Variants in RALGAPA1 observed in about 807,000 individuals in gnomAD.
The protein encoded by RALGAPA1 is Ral GTPase activating protein catalytic subunit alpha 1.
Under a neutral mutation model 269.6 loss-of-function variants are expected in RALGAPA1, and 52 were observed. That is an observed-to-expected ratio of 0.19 (90% CI 0.15 to 0.24). The LOEUF (loss-of-function observed/expected upper bound fraction) is 0.24. Among genes scored for constraint, RALGAPA1 ranks in the 10% least tolerant of loss-of-function variants. RALGAPA1 has a pLI of 1.00. For synonymous variants in RALGAPA1, 817 were observed against 1,008.3 expected (o/e 0.81, Z 3.60); for missense variants, 1,917 against 3,013.9 (o/e 0.64, Z 8.52).
chr14:35,552,820 G>A (rs761467189), intron 39 of RALGAPA1, among the ~76,000 whole-genome samples: 3 of 151,826 alleles, frequency 2.0e-5, no homozygotes, highest in African/African-American at 4.8e-5. Context: ...AGGGGGGAAG[G>A]AATATTATTA....
At chr14:35,801,918 GA>G (rs1010499982) in intron 1 of RALGAPA1, among the ~76,000 whole-genome samples, 1 of 152,100 alleles carries the variant, frequency 6.6e-6, no homozygotes, top group African/African-American at 2.4e-5. Context: ...AGTAAGGCAA[GA>G]AAAAGAAATA....
intron 26 of RALGAPA1, among the ~76,000 whole-genome samples, chr14:35,670,283 G>A (rs1033142110): frequency 6.6e-6 from 1 of 152,118 alleles, no homozygotes; most frequent in Non-Finnish European, 1.5e-5. Flanking sequence ...ATGAAATAAG[G>A]TATGTTAAAC....
chr14:35,676,301 T>C (rs1426727092), intron 22 of RALGAPA1: 1 of 152,028 alleles, frequency 6.6e-6, no homozygotes, highest in Non-Finnish European at 1.5e-5. Context: ...AACCTCCACA[T>C]CCCAGGTTTA....
intron 37 of RALGAPA1, among the ~76,000 whole-genome samples, chr14:35,581,220 T>C (rs1354482101): frequency 6.6e-6 from 1 of 152,104 alleles, no homozygotes; most frequent in Non-Finnish European, 1.5e-5. Context: ...AAAACTAAAA[T>C]ATAAGCCTGC....
intron 21 of RALGAPA1, among the ~76,000 whole-genome samples, chr14:35,679,800 A>C (rs564086392): frequency 1.3e-5 from 2 of 152,350 alleles, no homozygotes; most frequent in South Asian, 4.1e-4. Context: ...AAAAAAGTAC[A>C]TATAGAACTG....
intron 25 of RALGAPA1, among the ~76,000 whole-genome samples, chr14:35,671,915 T>C (rs148558614): frequency 3.9e-5 from 6 of 152,308 alleles, no homozygotes; most frequent in East Asian, 1.9e-4. Flanking sequence ...TACGTGACAA[T>C]TGGAAAGATT....
intron 37 of RALGAPA1, among the ~76,000 whole-genome samples, chr14:35,592,025 C>T (rs2058669956): frequency 6.6e-6 from 1 of 152,212 alleles, no homozygotes; most frequent in African/African-American, 2.4e-5. Flanking sequence ...CCTCTCCAGC[C>T]TTGTGGAACT....
chr14:35,643,114 T>C (rs1218004716), intron 31 of RALGAPA1, among the ~76,000 whole-genome samples: 1 of 149,740 alleles, frequency 6.7e-6, no homozygotes, highest in South Asian at 2.1e-4. Context: ...TTCTCATTCA[T>C]AGGTGGGAAT....
At chr14:35,720,700 G>A (rs1437213316) in intron 16 of RALGAPA1, among the ~76,000 whole-genome samples, 1 of 152,172 alleles carries the variant, frequency 6.6e-6, no homozygotes, top group Non-Finnish European at 1.5e-5. Flanking sequence ...GCCAAAGTGG[G>A]AGGACTGCTT....
At chr14:35,599,623 C>G (rs12880828) in intron 36 of RALGAPA1, among the ~76,000 whole-genome samples, 1 of 151,986 alleles carries the variant, frequency 6.6e-6, no homozygotes, top group African/African-American at 2.4e-5. Flanking sequence ...TGGCGCATGA[C>G]TGTAATCCCA....
chr14:35,650,403 A>T (rs1438164536), intron 31 of RALGAPA1, among the ~76,000 whole-genome samples: 1 of 152,132 alleles, frequency 6.6e-6, no homozygotes, highest in Non-Finnish European at 1.5e-5. Context: ...AATGTTAAAA[A>T]TTTAAAATAA....
At chr14:35,670,147 A>G (rs1377292002) in intron 26 of RALGAPA1, among the ~76,000 whole-genome samples, 1 of 152,214 alleles carries the variant, frequency 6.6e-6, no homozygotes, top group Admixed American at 6.5e-5. Context: ...CAGTCCTGAC[A>G]TGTCCCTTGA....
At chr14:35,569,628 AC>A (rs1418305895) in intron 39 of RALGAPA1, among the ~76,000 whole-genome samples, 2 of 151,944 alleles carry the variant, frequency 1.3e-5, no homozygotes, top group Admixed American at 6.6e-5. Flanking sequence ...ATCTTCTCAT[AC>A]CTCCATGTCT....
intron 35 of RALGAPA1, among the ~76,000 whole-genome samples, chr14:35,612,503 G>A (rs1376514999): frequency 6.7e-6 from 1 of 150,276 alleles, no homozygotes; most frequent in Admixed American, 6.6e-5. Context: ...AACAACAAAG[G>A]ATCTTACATT....
At chr14:35,557,184 T>C (rs2055707179) in intron 39 of RALGAPA1, among the ~76,000 whole-genome samples, 1 of 150,236 alleles carries the variant, frequency 6.7e-6, no homozygotes, top group Non-Finnish European at 1.5e-5. Flanking sequence ...AAACAAAAAC[T>C]AGGGTATCTG....
At chr14:35,761,319 T>C (rs930678758) in intron 5 of RALGAPA1, among the ~76,000 whole-genome samples, 2 of 152,136 alleles carry the variant, frequency 1.3e-5, no homozygotes, top group Non-Finnish European at 2.9e-5. Flanking sequence ...CCTCCTTGCC[T>C]ACCTCCCATC....
At chr14:35,593,460 C>T (rs2058751792) in intron 37 of RALGAPA1, among the ~76,000 whole-genome samples, 1 of 151,966 alleles carries the variant, frequency 6.6e-6, no homozygotes, top group Admixed American at 6.6e-5. Context: ...GCATTTTTCA[C>T]AGAAATAGAA....
At chr14:35,718,676 C>G (rs1377132868) in intron 16 of RALGAPA1, among the ~76,000 whole-genome samples, 1 of 151,812 alleles carries the variant, frequency 6.6e-6, no homozygotes, top group South Asian at 2.1e-4. Context: ...ATTAGCCAGG[C>G]GTGGTGGCAT....
chr14:35,600,619 T>A (rs937210243), intron 36 of RALGAPA1, among the ~76,000 whole-genome samples: 6 of 152,238 alleles, frequency 3.9e-5, no homozygotes, highest in African/African-American at 1.4e-4. Flanking sequence ...CCACTCCACT[T>A]GGTTGTTGGG....
Sources: allele counts gnomAD v4.1 joint callset (sites outside exome capture counted in the v4.1 genomes callset), GRCh38; gene constraint gnomAD v4.1.1; transcripts MANE v1.5; gene names NCBI Gene and HGNC (gene_info 2026-07-23, HGNC 2026-07-21).